PRKCZ: variants seen among roughly 807,000 people sequenced by gnomAD.
PRKCZ encodes the protein protein kinase C zeta.
Under a neutral mutation model 79.5 loss-of-function variants are expected in PRKCZ, and 33 were observed. The observed-to-expected ratio is 0.41, with a 90% CI of 0.31 to 0.55. The LOEUF (loss-of-function observed/expected upper bound fraction) is 0.55. PRKCZ is among the 20% of genes least tolerant of loss of function. The pLI is 0.19. For missense variants in PRKCZ, 578 were observed against 813.5 expected (o/e 0.71, Z 3.52); for synonymous variants, 342 against 320.9 (o/e 1.07, Z -0.70).
At chr1:2,131,371 G>A (rs551862559) in intron 4 of PRKCZ, among the ~76,000 whole-genome samples, 5 of 152,314 alleles carry the variant, frequency 3.3e-5, no homozygotes, top group African/African-American at 9.6e-5. Flanking sequence ...TTGGGAGGCC[G>A]AAGTGGGCAT....
chr1:2,055,557 G>T lies in PRKCZ; in HGVS notation c.188G>T (p.Ser63Ile). 1 of 1,613,280 alleles carries T rather than the reference G, an allele frequency of 6.2e-7. No individual in the cohort carries two copies. Among genetic ancestry groups the T allele is most frequent in the Non-Finnish European group, 8.5e-7 (1 of 1,179,668 alleles). Residue 63 changes from serine to isoleucine, a missense_variant, in exon 2 of 18, where the codon AGC becomes ATC. Physicochemically the swap from Ser to Ile is moderately radical, Grantham distance 142. This residue lies in a region of PRKCZ where 228 missense variants were observed against 211.6 expected (regional missense o/e 1.08). Transcript: ENST00000378567. ...QHPLTLKWVD[S>I]EGDPCTVSSQ... ...CCGCTCACCCTCAAGTGGGTGGACAGCGAAGGTAGCCCTTGTCCCATGTTG... is the reference window on the plus strand; with the variant it reads ...CCGCTCACCCTCAAGTGGGTGGACATCGAAGGTAGCCCTTGTCCCATGTTG...
At chr1:2,097,692 G>A (rs2102551759) in intron 4 of PRKCZ, among the ~76,000 whole-genome samples, 1 of 151,984 alleles carries the variant, frequency 6.6e-6, no homozygotes, top group East Asian at 1.9e-4. Flanking sequence ...CTCCTGGTGG[G>A]GCCCGTGCCA....
intron 5 of PRKCZ, chr1:2,143,180 C>T (rs1342080893): frequency 6.6e-6 from 1 of 152,190 alleles, no homozygotes; most frequent in Non-Finnish European, 1.5e-5. Context: ...AGGTGCCCGC[C>T]ACCACACCTG....
chr1:2,078,903 C>T (rs1399664022), intron 4 of PRKCZ, among the ~76,000 whole-genome samples: 3 of 145,538 alleles, frequency 2.1e-5, no homozygotes, highest in Non-Finnish European at 4.5e-5. Context: ...AGTGCAGTGG[C>T]GTGATTTCGG....
intron 7 of PRKCZ, among the ~76,000 whole-genome samples, chr1:2,146,820 A>T (rs1030630439): frequency 6.6e-6 from 1 of 152,158 alleles, no homozygotes. Context: ...ATGCCTCACA[A>T]ACAACTGCCT....
chr1:2,134,447 T>C (rs1048911153), intron 4 of PRKCZ, among the ~76,000 whole-genome samples: 1 of 152,232 alleles, frequency 6.6e-6, no homozygotes, highest in South Asian at 2.1e-4. Context: ...AGATTCTGTT[T>C]ACACACACAT....
chr1:2,153,644 A>G (rs1680346694), intron 9 of PRKCZ, among the ~76,000 whole-genome samples: 2 of 152,238 alleles, frequency 1.3e-5, no homozygotes, highest in Admixed American at 1.3e-4. Context: ...GCGGCAGCAC[A>G]GGAGGATTCC....
At position 2,173,750 on chromosome 1, in the gene PRKCZ, A is replaced by G. The variant is rs1684920425; in HGVS notation, c.1286-147A>G. The G allele has an allele frequency of 8.4e-7, 1 of 1,183,606 alleles. No individual in the cohort carries two copies. Among genetic ancestry groups the G allele is most frequent in the South Asian group, 1.6e-5 (1 of 61,794 alleles). 73.3% of individuals were successfully genotyped at this position (1,183,606 alleles called of 1,614,324 possible). A position where few individuals can be genotyped will look rare whatever the true frequency, so the allele number is the denominator to read the frequency against. Reference sequence around the variant, plus strand: ...GGTGGAGGTGCTGGTTCTGTTTGGGAAGTGGAAGTCACAGAGGCCTGTGTG... The same window carrying G: ...GGTGGAGGTGCTGGTTCTGTTTGGGGAGTGGAAGTCACAGAGGCCTGTGTG... On this transcript the variant is annotated intron_variant, in intron 13 of 17. Transcript: ENST00000378567. This position sits in a 1 kb window ranked among gnomAD's most constrained non-coding sequence, Gnocchi z 5.7.
At chr1:2,161,996 C>A (rs892634438) in intron 10 of PRKCZ, among the ~76,000 whole-genome samples, 1 of 152,094 alleles carries the variant, frequency 6.6e-6, no homozygotes, top group Non-Finnish European at 1.5e-5. Flanking sequence ...AACCTTCGTC[C>A]GCACTCCAAA....
intron 4 of PRKCZ, among the ~76,000 whole-genome samples, chr1:2,078,722 C>A (rs779719628): frequency 5.7e-4 from 87 of 152,082 alleles, no homozygotes; most frequent in Non-Finnish European, 1.1e-3. Flanking sequence ...TTTTCCATTT[C>A]TTTGTTTATG....
chr1:2,072,428 G>A (rs1188444413), intron 4 of PRKCZ, among the ~76,000 whole-genome samples: 3 of 152,254 alleles, frequency 2.0e-5, no homozygotes, highest in Non-Finnish European at 4.4e-5. Flanking sequence ...CTTGCCTCGC[G>A]GGGCCATGCG....
intron 9 of PRKCZ, among the ~76,000 whole-genome samples, chr1:2,154,423 G>T (rs1252882544): frequency 1.3e-5 from 2 of 152,176 alleles, no homozygotes; most frequent in African/African-American, 2.4e-5. Flanking sequence ...GGAGGAGGGC[G>T]CTGAGGAGGA....
chr1:2,087,746 G>A (rs546949570), intron 4 of PRKCZ, among the ~76,000 whole-genome samples: 1 of 152,130 alleles, frequency 6.6e-6, no homozygotes, highest in Non-Finnish European at 1.5e-5. Context: ...GGGTGGCGGG[G>A]GAGGTTAAAA....
rs72903311 is a variant in PRKCZ at position 2,088,375 on chromosome 1, C to G, written c.334+28784C>G. 8.6e-3 allele frequency among the ~76,000 whole-genome samples: 1,315 copies of G among 152,294 alleles called. 21 individuals carry two copies. Among genetic ancestry groups the G allele is most frequent in the African/African-American group, 0.029 (1,186 of 41,570 alleles). On this transcript the variant is annotated intron_variant, in intron 4 of 17. Transcript: ENST00000378567. Reference sequence around the variant, plus strand: ...CAGCTCGGAGGCTGCCCCTTTCCATCGTGGGCTTCCTGGGAACCAAATCCC... The same window carrying G: ...CAGCTCGGAGGCTGCCCCTTTCCATGGTGGGCTTCCTGGGAACCAAATCCC...
At position 2,065,722 on chromosome 1, in the gene PRKCZ, C is replaced by T. The variant is rs28622246; in HGVS notation, c.334+6131C>T. Among the ~76,000 whole-genome samples the T allele has an allele frequency of 0.01, 1,571 of 151,592 alleles. 127 individuals carry two copies. The East Asian group carries it at 0.2, about 19-fold the overall frequency. ...AAAAAAGTGGTGTGGTCAATCATCC[C>T]TGCCTTTGTCCTGATTGTCAAAGAA... On this transcript the variant is annotated intron_variant, in intron 4 of 17. Coordinates refer to ENST00000378567, the MANE Select transcript of PRKCZ (RefSeq NM_002744.6).
In PRKCZ at chr1:2,075,513, G is replaced by C. The variant is rs79429003; in HGVS notation, c.334+15922G>C. 2 of 152,214 alleles carry C rather than the reference G, an allele frequency of 1.3e-5. No individual in the cohort carries two copies. Among genetic ancestry groups the C allele is most frequent in the Non-Finnish European group, 2.9e-5 (2 of 68,092 alleles). 9.4% of individuals were successfully genotyped at this position (152,214 alleles called of 1,614,324 possible). A position where few individuals can be genotyped will look rare whatever the true frequency, so the allele number is the denominator to read the frequency against. ...TCGGCCAGATCGGCACACATCTTCCGCGTTCCTGTCCCAGCTGCATCAGCC... is the reference window on the plus strand; with the variant it reads ...TCGGCCAGATCGGCACACATCTTCCCCGTTCCTGTCCCAGCTGCATCAGCC... On this transcript the variant is annotated intron_variant, in intron 4 of 17. Transcript: ENST00000378567. The surrounding 1 kb of genome is among the most constrained non-coding windows in gnomAD (Gnocchi z 4.8).
chr1:2,151,033 C>G, intron 9 of PRKCZ, 55 bp downstream of exon 9: 1 of 1,579,534 alleles, frequency 6.3e-7, no homozygotes. Flanking sequence ...GCCCTGGGGC[C>G]TCCTCCGGGC....
At chr1:2,176,670 C>T (rs555547945) in intron 16 of PRKCZ, among the ~76,000 whole-genome samples, 2 of 152,380 alleles carry the variant, frequency 1.3e-5, no homozygotes, top group South Asian at 4.1e-4. Context: ...CCCCACCCAA[C>T]TTTTCCAGGC....
intron 1 of PRKCZ, chr1:2,050,927 G>A: frequency 2.7e-6 from 1 of 374,480 alleles, no homozygotes; most frequent in Non-Finnish European, 4.7e-6. Flanking sequence ...CCTGGGGTCG[G>A]CCCCGCGCCG....
Sources: allele counts gnomAD v4.1 joint callset (sites outside exome capture counted in the v4.1 genomes callset), GRCh38; gene constraint gnomAD v4.1.1; regional missense constraint gnomAD v4.1.1; non-coding constraint Gnocchi (gnomAD v3.1); transcripts MANE v1.5; gene names NCBI Gene and HGNC (gene_info 2026-07-23, HGNC 2026-07-21).